COL4A2: variants seen among roughly 807,000 people sequenced by gnomAD.
COL4A2 encodes collagen alpha-2(IV) chain.
In COL4A2, 99 loss-of-function variants were observed where a neutral mutation model predicts 200.2. The observed-to-expected ratio is 0.49, with a 90% confidence interval of 0.42 to 0.58. COL4A2 has a LOEUF of 0.58. Ranked by LOEUF, COL4A2 falls within the 20% of genes least tolerant of loss-of-function variation. The pLI, the probability that COL4A2 is intolerant of heterozygous loss-of-function variation, is 0.00. For missense variants in COL4A2, 1,950 were observed against 2,314.1 expected (o/e 0.84, Z 3.23); for synonymous variants, 897 against 900.6 (o/e 1.00, Z 0.07).
chr13:110,484,132 T>C (rs1164679495), intron 32 of COL4A2, among the ~76,000 whole-genome samples: 1 of 152,000 alleles, frequency 6.6e-6, no homozygotes, highest in African/African-American at 2.4e-5. Context: ...TAAGTAATTT[T>C]CAGCTCCATG....
At chr13:110,354,304 A>ATGAAT (rs1480545370) in intron 3 of COL4A2, among the ~76,000 whole-genome samples, 5 of 152,066 alleles carry the variant, frequency 3.3e-5, no homozygotes, top group Non-Finnish European at 7.4e-5. Flanking sequence ...AGTAAAAGGC[A>ATGAAT]TGAATGCGCC....
chr13:110,491,425 C>T, intron 37 of COL4A2, 85 bp downstream of exon 37: 1 of 901,768 alleles, frequency 1.1e-6, no homozygotes, highest in Non-Finnish European at 1.8e-6. Flanking sequence ...TGTCAATTTC[C>T]TCCAATCACA....
Position 110,489,726 on chromosome 13 carries a change from C to T in COL4A2, c.3287C>T (p.Thr1096Ile), listed in dbSNP as rs1883222359. The T allele has an allele frequency of 6.2e-7, 1 of 1,614,154 alleles. No individual in the cohort carries two copies. Among genetic ancestry groups the T allele is most frequent in the East Asian group, 2.2e-5 (1 of 44,894 alleles). ...ATGDFGDIGD[T>I]INLPGRPGLK... is the part of the protein sequence containing the mutation. ...CATGTAACAGGTGACATCGGGGACA[C>T]TATAAATTTACCAGGAAGACCAGGC... is the stretch of plus-strand genomic sequence containing the variant. The change falls in exon 36 of 48, where the codon ACT becomes ATT. Residue 1096 changes from threonine to isoleucine, a missense_variant. Thr to Ile is a moderately conservative substitution (Grantham distance 89, BLOSUM62 -1). Coordinates refer to ENST00000360467, the MANE Select transcript of COL4A2 (RefSeq NM_001846.4).
intron 4 of COL4A2, among the ~76,000 whole-genome samples, chr13:110,362,225 CTGT>C (rs2139393184): frequency 6.6e-6 from 1 of 152,288 alleles, no homozygotes; most frequent in Non-Finnish European, 1.5e-5. Flanking sequence ...ATTCAGGGCT[CTGT>C]TGTTATTTGA....
At chr13:110,439,940 A>T (rs1881058780) in intron 16 of COL4A2, 107 bp downstream of exon 16, 1 of 1,483,320 alleles carries the variant, frequency 6.7e-7, no homozygotes, top group Non-Finnish European at 9.0e-7. Context: ...TCCAGAAAAA[A>T]ACATTGAAAA....
chr13:110,472,110 T>C (rs1289660270), intron 28 of COL4A2, among the ~76,000 whole-genome samples: 4 of 18,600 alleles, frequency 2.2e-4, no homozygotes, highest in Admixed American at 8.1e-4. Flanking sequence ...GATTTTCTTT[T>C]TTCTTTTTAT....
At chr13:110,322,387 C>T (rs1885298078) in intron 3 of COL4A2, among the ~76,000 whole-genome samples, 1 of 152,204 alleles carries the variant, frequency 6.6e-6, no homozygotes, top group Non-Finnish European at 1.5e-5. Context: ...AACCGGGTGT[C>T]TGGGTGGGAA....
At chr13:110,422,793 A>C (rs1880304894) in intron 4 of COL4A2, among the ~76,000 whole-genome samples, 1 of 152,194 alleles carries the variant, frequency 6.6e-6, no homozygotes. Flanking sequence ...ATCTCAAGGA[A>C]TTGCCAGTTA....
At chr13:110,394,599 G>T (rs1344746768) in intron 4 of COL4A2, among the ~76,000 whole-genome samples, 1 of 152,152 alleles carries the variant, frequency 6.6e-6, no homozygotes, top group Non-Finnish European at 1.5e-5. Flanking sequence ...TGGTCTTGGT[G>T]CACACGACCT....
At chr13:110,423,569 C>T (rs4517640) in intron 4 of COL4A2, among the ~76,000 whole-genome samples, 35,958 of 152,042 alleles carry the variant, frequency 0.24, 4,428 homozygotes, top group Middle Eastern at 0.3. Flanking sequence ...TGCATAACAT[C>T]GAAATTACCT....
chr13:110,493,077 C>A, intron 38 of COL4A2, 134 bp from the exon 39 acceptor site: 2 of 872,084 alleles, frequency 2.3e-6, no homozygotes, highest in South Asian at 1.4e-5. Flanking sequence ...AGTGACACCC[C>A]CATGGGTGAA....
intron 4 of COL4A2, among the ~76,000 whole-genome samples, chr13:110,393,488 G>A (rs1879068110): frequency 6.6e-6 from 1 of 151,962 alleles, no homozygotes; most frequent in African/African-American, 2.4e-5. Flanking sequence ...TGTCTGAGTA[G>A]TGAGGATTTT....
intron 4 of COL4A2, among the ~76,000 whole-genome samples, chr13:110,417,348 C>G (rs1293178490): frequency 4.0e-5 from 6 of 151,750 alleles, no homozygotes; most frequent in East Asian, 1.9e-4. Flanking sequence ...GAACTGTTCT[C>G]TATCACATAA....
intron 3 of COL4A2, among the ~76,000 whole-genome samples, chr13:110,314,315 C>T (rs1885076591): frequency 1.3e-5 from 2 of 152,168 alleles, no homozygotes; most frequent in Non-Finnish European, 2.9e-5. Context: ...ATTTGGTGTG[C>T]ATGGGTCAGA....
intron 6 of COL4A2, among the ~76,000 whole-genome samples, chr13:110,427,870 G>A (rs79436463): frequency 0.015 from 2,241 of 152,276 alleles, 54 homozygotes; most frequent in African/African-American, 0.051. Context: ...GCAAACAAGA[G>A]GCAATCAGCT....
intron 3 of COL4A2, among the ~76,000 whole-genome samples, chr13:110,336,176 G>A (rs1226004607): frequency 6.6e-6 from 1 of 152,174 alleles, no homozygotes; most frequent in African/African-American, 2.4e-5. Context: ...TTGAAGTAGA[G>A]AATTGAGAGT....
At chr13:110,438,768 C>A in intron 15 of COL4A2, 100 bp downstream of exon 15, 2 of 1,464,678 alleles carry the variant, frequency 1.4e-6, no homozygotes, top group Non-Finnish European at 1.9e-6. Context: ...CAAAATTTAG[C>A]AGAAAGTATA....
chr13:110,317,285 C>T (rs1246553516), intron 3 of COL4A2, among the ~76,000 whole-genome samples: 1 of 151,626 alleles, frequency 6.6e-6, no homozygotes, highest in Non-Finnish European at 1.5e-5. Context: ...CACAGATGCA[C>T]ACACACACGC....
chr13:110,346,638 G>C (rs1876713728), intron 3 of COL4A2, among the ~76,000 whole-genome samples: 1 of 152,188 alleles, frequency 6.6e-6, no homozygotes, highest in African/African-American at 2.4e-5. Context: ...CCACTGTGAA[G>C]GCTGCTTGTC....
Sources: allele counts gnomAD v4.1 joint callset (sites outside exome capture counted in the v4.1 genomes callset), GRCh38; gene constraint gnomAD v4.1.1; transcripts MANE v1.5; gene names NCBI Gene and HGNC (gene_info 2026-07-23, HGNC 2026-07-21).